MED27: variants seen among roughly 807,000 people sequenced by gnomAD.
MED27 encodes mediator of RNA polymerase II transcription subunit 27.
A neutral mutation model predicts 38.2 loss-of-function variants in MED27; 30 were observed. That is an observed-to-expected ratio of 0.79 (90% CI 0.59 to 1.07). MED27 has a LOEUF of 1.07. Ranked by LOEUF, MED27 falls within the 50% of genes least tolerant of loss-of-function variation. The pLI, the probability that MED27 is intolerant of heterozygous loss-of-function variation, is 0.00. For missense variants in MED27, 289 were observed against 397.5 expected, an observed-to-expected ratio of 0.73 and a Z score of 2.32; for synonymous variants, 122 against 153.5, an observed-to-expected ratio of 0.79 and a Z score of 1.52.
rs113341870 is a variant in MED27 at position 132,065,606 on chromosome 9, C to G, written c.348+11836G>C. ...CCAACTTACCGTATCTAGAGCTTAA[C>G]GCACACAAGGGTGCCTGCCACTCCC... On this transcript the variant is annotated intron_variant, in intron 2 of 7. Transcript: ENST00000292035. Among the ~76,000 whole-genome samples the G allele has an allele frequency of 2.8e-3, 423 of 152,340 alleles. 2 individuals carry two copies. The highest frequency in any genetic ancestry group is 9.4e-3 in the African/African-American group (389 of 41,578).
chr9:132,044,862 C>T (rs1833296751), intron 2 of MED27, among the ~76,000 whole-genome samples: 1 of 152,106 alleles, frequency 6.6e-6, no homozygotes, highest in Non-Finnish European at 1.5e-5. Flanking sequence ...AGTGGAAATA[C>T]ATTAAAAACA....
chr9:132,021,673 A>G (rs1832719231), intron 2 of MED27, among the ~76,000 whole-genome samples: 1 of 152,194 alleles, frequency 6.6e-6, no homozygotes, highest in Admixed American at 6.5e-5. Context: ...TTGTCTCCCC[A>G]AAATTCTTCT....
rs550818010 is a variant in MED27, at chr9:132,063,858, C to T, written c.348+13584G>A. 1.1e-4 allele frequency among the ~76,000 whole-genome samples: 17 copies of T among 152,234 alleles called. No homozygotes were observed. The South Asian group carries it at 3.5e-3, about 32-fold the overall frequency. ...CAGCCCGAGCTAGGTGCATTCACCACCCGGAAAAAGGAGTATCTTCAAACC... is the reference window on the plus strand; with the variant it reads ...CAGCCCGAGCTAGGTGCATTCACCATCCGGAAAAAGGAGTATCTTCAAACC... On this transcript the variant is annotated intron_variant, in intron 2 of 7. Coordinates refer to ENST00000292035, the MANE Select transcript of MED27 (RefSeq NM_004269.4).
In MED27 at chr9:132,040,503, G is replaced by A. The variant is rs1052790430; in HGVS notation, c.349-26036C>T. ...GAGAGACTGCCCGTACAAATGTCAC[G>A]AGAAAGCTATAAATAGGGCTTTAGA... On this transcript the variant is annotated intron_variant, in intron 2 of 7. Coordinates refer to ENST00000292035, the MANE Select transcript of MED27 (RefSeq NM_004269.4). Among the ~76,000 whole-genome samples, 6 of 152,296 alleles carry A rather than the reference G, an allele frequency of 3.9e-5. No individual in the cohort carries two copies. The East Asian group carries it at 5.8e-4, about 15-fold the overall frequency.
intron 2 of MED27, among the ~76,000 whole-genome samples, chr9:132,050,327 C>A (rs1031325456): frequency 5.9e-5 from 9 of 152,194 alleles, no homozygotes; most frequent in Non-Finnish European, 8.8e-5. Context: ...CAGAAGGCAA[C>A]GTGCAGGGCC....
chr9:131,975,177 C>A (rs1294973773), intron 3 of MED27, among the ~76,000 whole-genome samples: 1 of 152,180 alleles, frequency 6.6e-6, no homozygotes, highest in Non-Finnish European at 1.5e-5. Context: ...CAAATTACAT[C>A]TTAGAGCCAG....
chr9:132,025,105 G>GA (rs368074948), intron 2 of MED27, among the ~76,000 whole-genome samples: 54 of 141,600 alleles, frequency 3.8e-4, no homozygotes, highest in East Asian at 1.8e-3. Flanking sequence ...CCCTTGGAAG[G>GA]AAAAAAAAAA....
At position 132,022,221 on chromosome 9, in the gene MED27, T is replaced by G. The variant is rs117386408; in HGVS notation, c.349-7754A>C. ...ACTGGGGGAAGAAGGCCACGTCAGA[T>G]GCACCATCATGTTCTTGTCACCAGC... On this transcript the variant is annotated intron_variant, in intron 2 of 7. Transcript: ENST00000292035. 6.8e-3 allele frequency among the ~76,000 whole-genome samples: 1,040 copies of G among 152,290 alleles called. 12 individuals are homozygous for G. The highest frequency in any genetic ancestry group is 6.8e-3 in the Non-Finnish European group (462 of 68,014).
intron 4 of MED27, among the ~76,000 whole-genome samples, chr9:131,910,850 G>C (rs13290149): frequency 0.2 from 30,807 of 152,130 alleles, 3,990 homozygotes; most frequent in Non-Finnish European, 0.3. Context: ...GCGGAGGATC[G>C]TTCTGCATTT....
At chr9:131,890,502 T>C (rs898264552) in intron 5 of MED27, among the ~76,000 whole-genome samples, 1 of 152,242 alleles carries the variant, frequency 6.6e-6, no homozygotes, top group Admixed American at 6.5e-5. Flanking sequence ...GTGTCTCCTT[T>C]ATCCTCTGAC....
chr9:131,894,466 T>C (rs1410291603), intron 4 of MED27, among the ~76,000 whole-genome samples: 1 of 152,170 alleles, frequency 6.6e-6, no homozygotes, highest in African/African-American at 2.4e-5. Context: ...GGTTGAACTA[T>C]CTATTTATAG....
At chr9:131,933,628 T>C (rs991308209) in intron 4 of MED27, among the ~76,000 whole-genome samples, 2 of 151,986 alleles carry the variant, frequency 1.3e-5, no homozygotes, top group Non-Finnish European at 2.9e-5. Flanking sequence ...ATAGAAGACA[T>C]TGAAGAAGAC....
intron 2 of MED27, among the ~76,000 whole-genome samples, chr9:132,048,277 A>G (rs1475111787): frequency 6.7e-6 from 1 of 150,028 alleles, no homozygotes; most frequent in African/African-American, 2.4e-5. Flanking sequence ...TCAGGAATGG[A>G]AAAAAAAAAT....
intron 2 of MED27, among the ~76,000 whole-genome samples, chr9:132,056,073 G>A (rs959541558): frequency 2.0e-5 from 3 of 152,156 alleles, no homozygotes; most frequent in Non-Finnish European, 4.4e-5. Context: ...TCATACTGCT[G>A]TACACCTAAA....
At chr9:131,873,403 C>T (rs186142821) in intron 6 of MED27, among the ~76,000 whole-genome samples, 91 of 152,280 alleles carry the variant, frequency 6.0e-4, no homozygotes, top group East Asian at 2.3e-3. Context: ...ATGGGGAGTG[C>T]GCAGAGACGA....
intron 3 of MED27, among the ~76,000 whole-genome samples, chr9:131,989,675 C>T (rs1831929065): frequency 6.6e-6 from 1 of 151,930 alleles, no homozygotes; most frequent in Non-Finnish European, 1.5e-5. Flanking sequence ...TTCGAACATA[C>T]CCAAGAGTAG....
intron 2 of MED27, among the ~76,000 whole-genome samples, chr9:132,046,777 G>A (rs373868006): frequency 2.6e-5 from 4 of 152,178 alleles, no homozygotes; most frequent in Admixed American, 1.3e-4. Flanking sequence ...TCTGTCCCCC[G>A]CACATACGCA....
chr9:132,059,552 T>C (rs984276905), intron 2 of MED27, among the ~76,000 whole-genome samples: 2 of 152,158 alleles, frequency 1.3e-5, no homozygotes, highest in African/African-American at 4.8e-5. Flanking sequence ...GCAGTCATGC[T>C]CTGAGCCAGA....
At chr9:131,999,200 C>T (rs1832165341) in intron 3 of MED27, among the ~76,000 whole-genome samples, 1 of 152,084 alleles carries the variant, frequency 6.6e-6, no homozygotes, top group Non-Finnish European at 1.5e-5. Context: ...AATATCTTTG[C>T]CGGAGCCCCA....
Sources: allele counts gnomAD v4.1 joint callset (sites outside exome capture counted in the v4.1 genomes callset), GRCh38; gene constraint gnomAD v4.1.1; transcripts MANE v1.5; gene names NCBI Gene and HGNC (gene_info 2026-07-23, HGNC 2026-07-21).